CSMD3: variants seen among roughly 807,000 people sequenced by gnomAD.
CSMD3 encodes CUB and Sushi multiple domains 3.
In CSMD3, 177 loss-of-function variants were observed where a neutral mutation model predicts 435.2. That is an observed-to-expected ratio of 0.41 (90% CI 0.36 to 0.46). The LOEUF (loss-of-function observed/expected upper bound fraction) is 0.46. CSMD3 is among the 20% of genes least tolerant of loss of function. CSMD3 has a pLI of 0.34. For missense variants in CSMD3, 4,265 were observed against 4,504.6 expected, an observed-to-expected ratio of 0.95 and a Z score of 1.52; for synonymous variants, 1,656 against 1,520.5, an observed-to-expected ratio of 1.09 and a Z score of -2.07.
chr8:112,304,192 A>G (rs1357751201), intron 52 of CSMD3, among the ~76,000 whole-genome samples: 3 of 152,138 alleles, frequency 2.0e-5, no homozygotes, highest in Admixed American at 2.0e-4. Flanking sequence ...GTAACTCTAC[A>G]TGACAGGTGT....
At chr8:112,392,357 T>C (rs1194807765) in intron 35 of CSMD3, among the ~76,000 whole-genome samples, 3 of 137,084 alleles carry the variant, frequency 2.2e-5, no homozygotes, top group Non-Finnish European at 4.8e-5. Flanking sequence ...CTTTTTAAAA[T>C]AGTGTGACAA....
At chr8:112,377,258 G>GA (rs199507562) in intron 38 of CSMD3, among the ~76,000 whole-genome samples, 6,244 of 151,818 alleles carry the variant, frequency 0.041, 154 homozygotes, top group African/African-American at 0.048. Context: ...CCAGAAAAAT[G>GA]AAAAAATTCC....
chr8:112,690,450 G>A (rs1343252024), intron 13 of CSMD3, among the ~76,000 whole-genome samples: 1 of 151,664 alleles, frequency 6.6e-6, no homozygotes, highest in African/African-American at 2.4e-5. Context: ...TACAGGATAC[G>A]GTAAATCCCT....
At chr8:113,373,362 C>T (rs1221006449) in intron 1 of CSMD3, among the ~76,000 whole-genome samples, 1 of 152,044 alleles carries the variant, frequency 6.6e-6, no homozygotes. Context: ...TTTATGGACA[C>T]ACACACACAA....
chr8:112,996,528 A>G (rs1033509660), intron 6 of CSMD3, among the ~76,000 whole-genome samples: 4 of 151,694 alleles, frequency 2.6e-5, no homozygotes, highest in Non-Finnish European at 5.9e-5. Context: ...ACTGGGAAAC[A>G]TATACATGTA....
At chr8:112,542,416 A>G (rs914302897) in intron 27 of CSMD3, among the ~76,000 whole-genome samples, 1 of 151,796 alleles carries the variant, frequency 6.6e-6, no homozygotes, top group Non-Finnish European at 1.5e-5. Context: ...AGAAAATCCT[A>G]AAGACTTTAT....
chr8:112,503,678 T>C, intron 30 of CSMD3, 112 bp downstream of exon 30: 1 of 718,086 alleles, frequency 1.4e-6, no homozygotes, highest in Non-Finnish European at 2.3e-6. Context: ...ATAATCTGCA[T>C]TTAAAAATAC....
intron 27 of CSMD3, among the ~76,000 whole-genome samples, chr8:112,524,963 T>G (rs1302302191): frequency 2.0e-5 from 3 of 151,906 alleles, no homozygotes; most frequent in African/African-American, 7.2e-5. Flanking sequence ...TTTCAATATA[T>G]TCTTATTTTT....
intron 9 of CSMD3, among the ~76,000 whole-genome samples, chr8:112,939,384 T>C (rs941029563): frequency 6.6e-6 from 1 of 152,040 alleles, no homozygotes; most frequent in Admixed American, 6.6e-5. Context: ...CCCCTCTTTG[T>C]TCTGGGTACT....
intron 5 of CSMD3, among the ~76,000 whole-genome samples, chr8:113,045,945 A>G (rs1380802138): frequency 1.3e-5 from 2 of 149,624 alleles, no homozygotes; most frequent in Non-Finnish European, 3.0e-5. Context: ...AGACCAAAAT[A>G]TCTGGGAAAT....
rs1356791691 is a variant in CSMD3, at chr8:112,380,431, A to T, written c.6057T>A (p.Asn2019Lys). The T allele has an allele frequency of 6.3e-7, 1 of 1,588,546 alleles. No homozygotes were observed. The highest frequency in any genetic ancestry group is 1.1e-5 in the South Asian group (1 of 90,540). The change falls in exon 38 of 71, where the codon AAT becomes AAA. Residue 2019 changes from asparagine (N) to lysine (K), a missense_variant. Asn to Lys is a moderately conservative substitution (Grantham distance 94). Coordinates refer to ENST00000297405, the MANE Select transcript of CSMD3 (RefSeq NM_198123.2). ...YSGTTIPHLL[N>K]STSNNLYLNF... ...TTAGATACAGATTATTAGACGTACTATTCAAAAGATGGGGTATTGTTGTTC... is the reference window on the plus strand; with the variant it reads ...TTAGATACAGATTATTAGACGTACTTTTCAAAAGATGGGGTATTGTTGTTC...
At chr8:112,726,918 T>C (rs533440516) in intron 13 of CSMD3, among the ~76,000 whole-genome samples, 1 of 151,958 alleles carries the variant, frequency 6.6e-6, no homozygotes, top group South Asian at 2.1e-4. Flanking sequence ...GGAATATGAT[T>C]CAAGAGAAAA....
intron 13 of CSMD3, among the ~76,000 whole-genome samples, chr8:112,747,431 G>T (rs1037128672): frequency 6.6e-6 from 1 of 151,762 alleles, no homozygotes. Flanking sequence ...ATGGACAGAT[G>T]AAAGTTGATA....
intron 13 of CSMD3, among the ~76,000 whole-genome samples, chr8:112,793,690 C>T (rs1265528653): frequency 6.6e-6 from 1 of 152,028 alleles, no homozygotes; most frequent in Non-Finnish European, 1.5e-5. Context: ...AAGTGAGGTA[C>T]GGAAATAGCT....
At chr8:113,270,339 T>C (rs1294351887) in intron 3 of CSMD3, among the ~76,000 whole-genome samples, 1 of 150,018 alleles carries the variant, frequency 6.7e-6, no homozygotes, top group African/African-American at 2.5e-5. Flanking sequence ...GTGCTGGAGA[T>C]GATGTGAAGA....
At chr8:112,761,376 A>T (rs1288473090) in intron 13 of CSMD3, among the ~76,000 whole-genome samples, 1 of 152,132 alleles carries the variant, frequency 6.6e-6, no homozygotes, top group Non-Finnish European at 1.5e-5. Context: ...GTATTTTTAC[A>T]TTACTTAGCT....
chr8:113,197,565 C>T (rs2092672291), intron 3 of CSMD3, among the ~76,000 whole-genome samples: 1 of 150,982 alleles, frequency 6.6e-6, no homozygotes, highest in Admixed American at 6.7e-5. Flanking sequence ...ATGTTGAGTC[C>T]ACTTATAAAA....
chr8:113,328,618 A>C (rs993715642), intron 1 of CSMD3, among the ~76,000 whole-genome samples: 8 of 151,996 alleles, frequency 5.3e-5, no homozygotes, highest in Non-Finnish European at 1.2e-4. Context: ...ACAATGAAAA[A>C]CAGGTACAGG....
At chr8:112,492,465 T>C (rs1056964658) in intron 31 of CSMD3, 24 bp downstream of exon 31, 7 of 1,598,256 alleles carry the variant, frequency 4.4e-6, no homozygotes, top group African/African-American at 2.7e-5. Context: ...TCATGAAAAT[T>C]CAGCCAAAAA....
Sources: gnomAD v4.1 joint callset for allele counts (sites outside exome capture counted in the v4.1 genomes callset) on GRCh38, gnomAD v4.1.1 for gene constraint, MANE v1.5 for transcripts, NCBI Gene and HGNC (gene_info 2026-07-23, HGNC 2026-07-21) for gene names.